FOXP1: variants seen among roughly 807,000 people sequenced by gnomAD.
FOXP1 encodes forkhead box protein P1.
A neutral mutation model predicts 98.2 loss-of-function variants in FOXP1; 15 were observed. The ratio of observed to expected loss-of-function variants is 0.15; its 90% confidence interval spans 0.10 to 0.24. FOXP1 has a LOEUF of 0.24. FOXP1 is among the 10% of genes least tolerant of loss of function. FOXP1 has a pLI of 1.00. For missense variants in FOXP1, 633 were observed against 848.5 expected, an observed-to-expected ratio of 0.75 and a Z score of 3.15; for synonymous variants, 371 against 314.5, an observed-to-expected ratio of 1.18 and a Z score of -1.90.
chr3:71,095,094 A>C (rs1042263685), intron 7 of FOXP1, among the ~76,000 whole-genome samples: 2 of 152,264 alleles, frequency 1.3e-5, no homozygotes, highest in Non-Finnish European at 2.9e-5. Context: ...TTAGAAATAG[A>C]GCTGCGTAGG....
chr3:71,308,871 C>G (rs543441181), intron 4 of FOXP1, among the ~76,000 whole-genome samples: 1 of 151,524 alleles, frequency 6.6e-6, no homozygotes, highest in South Asian at 2.1e-4. Flanking sequence ...AATATCACCC[C>G]TTACATGCAT....
rs115484044 is a variant in FOXP1 at position 71,389,589 on chromosome 3, G to C, written c.-167-30345C>G. 7.0e-3 allele frequency among the ~76,000 whole-genome samples: 1,061 copies of C among 152,264 alleles called. 15 individuals carry two copies. Among genetic ancestry groups the C allele is most frequent in the African/African-American group, 0.024 (1,001 of 41,558 alleles). ...TCAAAGAAAACACGAAGAGCTTTCA[G>C]AAACATCTCCTCTGAGAGATGCAAG... is the stretch of plus-strand genomic sequence containing the variant. On this transcript the variant is annotated intron_variant, in intron 3 of 20. Coordinates refer to ENST00000649528, the MANE Select transcript of FOXP1 (RefSeq NM_001349338.3).
chr3:71,412,519 G>A (rs1196976977), intron 3 of FOXP1, among the ~76,000 whole-genome samples: 6 of 152,094 alleles, frequency 3.9e-5, no homozygotes, highest in African/African-American at 1.4e-4. Context: ...AAAACATAAA[G>A]CCAAAGAAAA....
At chr3:71,538,197 C>T (rs2044463033) in intron 2 of FOXP1, among the ~76,000 whole-genome samples, 1 of 152,172 alleles carries the variant, frequency 6.6e-6, no homozygotes, top group Non-Finnish European at 1.5e-5. Context: ...CCATAAAATT[C>T]ACCCTTTTAA....
chr3:71,456,780 T>C (rs941274526), intron 3 of FOXP1, among the ~76,000 whole-genome samples: 4 of 150,910 alleles, frequency 2.7e-5, no homozygotes, highest in Non-Finnish European at 4.4e-5. Context: ...AAGCAACCCA[T>C]GGAATATCAG....
Position 71,232,877 on chromosome 3 carries a change from C to CAAAA in FOXP1, c.-11-34489_-11-34486dup, listed in dbSNP as rs59404230. 1.8e-3 allele frequency among the ~76,000 whole-genome samples: 56 copies of CAAAA among 31,410 alleles called. 2 individuals carry two copies. Among genetic ancestry groups the CAAAA allele is most frequent in the African/African-American group, 3.4e-3 (32 of 9,394 alleles). The allele number at this position is 31,410 out of a possible 152,430, so 20.6% of individuals were successfully genotyped here. ...CGTGCCACAGAGCAAAACTCTGTCT[C>CAAAA]AAAAAAAAAAAAAAAAAAAGCAAGA... On this transcript the variant is annotated intron_variant, in intron 5 of 20. Coordinates refer to ENST00000649528, the MANE Select transcript of FOXP1 (RefSeq NM_001349338.3).
At chr3:71,242,908 C>T (rs1271688318) in intron 5 of FOXP1, among the ~76,000 whole-genome samples, 2 of 152,134 alleles carry the variant, frequency 1.3e-5, no homozygotes, top group East Asian at 1.9e-4. Context: ...AAAGCTTAGG[C>T]TCTGAAGTAG....
At chr3:71,570,730 C>G (rs992954482) in intron 2 of FOXP1, 6 of 152,300 alleles carry the variant, frequency 3.9e-5, no homozygotes, top group Middle Eastern at 3.4e-3. Flanking sequence ...TGGCTTTGGA[C>G]ACACATAAAA....
At chr3:71,290,338 C>A (rs2072613132) in intron 5 of FOXP1, among the ~76,000 whole-genome samples, 1 of 152,206 alleles carries the variant, frequency 6.6e-6, no homozygotes, top group Admixed American at 6.5e-5. Context: ...TCTTAAGAGT[C>A]TTCTGTGATG....
intron 3 of FOXP1, among the ~76,000 whole-genome samples, chr3:71,455,826 C>A (rs1351548090): frequency 1.3e-5 from 2 of 152,182 alleles, no homozygotes; most frequent in Non-Finnish European, 2.9e-5. Context: ...GGGGTGACAG[C>A]CACATGCAAA....
At chr3:71,266,490 G>A (rs1250587940) in intron 5 of FOXP1, among the ~76,000 whole-genome samples, 2 of 152,164 alleles carry the variant, frequency 1.3e-5, no homozygotes, top group South Asian at 2.1e-4. Flanking sequence ...GACCTCAAGT[G>A]ATCTGCCCAC....
At chr3:71,565,370 G>A (rs775374188) in intron 2 of FOXP1, among the ~76,000 whole-genome samples, 1 of 152,110 alleles carries the variant, frequency 6.6e-6, no homozygotes, top group Non-Finnish European at 1.5e-5. Context: ...TTTTATTTTG[G>A]TTGTTACCAA....
intron 7 of FOXP1, among the ~76,000 whole-genome samples, chr3:71,078,789 A>T (rs1163565302): frequency 2.0e-5 from 3 of 152,008 alleles, no homozygotes; most frequent in Non-Finnish European, 2.9e-5. Flanking sequence ...ACGAGGAAAG[A>T]CCCACAGGAA....
At chr3:71,275,333 T>C (rs527360351) in intron 5 of FOXP1, among the ~76,000 whole-genome samples, 1 of 152,304 alleles carries the variant, frequency 6.6e-6, no homozygotes, top group Admixed American at 6.5e-5. Context: ...TTATTTGCTA[T>C]TGCCCCCACA....
At chr3:71,242,401 G>A (rs1436397470) in intron 5 of FOXP1, among the ~76,000 whole-genome samples, 1 of 152,084 alleles carries the variant, frequency 6.6e-6, no homozygotes, top group Non-Finnish European at 1.5e-5. Context: ...TAGCTACACA[G>A]CAGTTTGAAA....
Position 71,053,698 on chromosome 3 carries a change from C to G in FOXP1, c.358G>C (p.Val120Leu), listed in dbSNP as rs768273310. The G allele has an allele frequency of 1.9e-6, 3 of 1,614,078 alleles. No individual in the cohort carries two copies. Among genetic ancestry groups the G allele is most frequent in the Non-Finnish European group, 2.5e-6 (3 of 1,179,996 alleles). ...ACCTGGAGCTGCTGAGGGCTCAGCA[C>G]TTGTTGCTGGAGGATCTGCTGCATT... ...QQMQQILQQQ[V>L]LSPQQLQVLL... Residue 120 changes from valine (V) to leucine (L), a missense_variant, in exon 8 of 21, where the codon GTG (valine) becomes CTG (leucine). By Grantham distance (32) the Val-to-Leu change is conservative. This residue lies in a region of FOXP1 where 210 missense variants were observed against 270.6 expected (regional missense o/e 0.78). Transcript: ENST00000649528.
chr3:71,461,365 G>A (rs2088082622), intron 3 of FOXP1, among the ~76,000 whole-genome samples: 1 of 152,150 alleles, frequency 6.6e-6, no homozygotes, highest in African/African-American at 2.4e-5. Context: ...CCAGAAACGA[G>A]TGTTCAAGGA....
intron 3 of FOXP1, among the ~76,000 whole-genome samples, chr3:71,418,368 T>C (rs989880106): frequency 1.3e-5 from 2 of 152,208 alleles, no homozygotes; most frequent in African/African-American, 2.4e-5. Flanking sequence ...GAAAGGCCAT[T>C]TGCATATTCT....
chr3:71,120,919 T>G lies in FOXP1; in HGVS notation c.181-8282A>C, dbSNP rs140598831. On this transcript the variant is annotated intron_variant, in intron 6 of 20. Coordinates refer to ENST00000649528, the MANE Select transcript of FOXP1 (RefSeq NM_001349338.3). ...ATTCCTTGCTTTTCTTTTACTTTAA[T>G]GTTTAACAAATACCGCAAAGGTAGG... Among the ~76,000 whole-genome samples, 175 of 152,348 alleles carry G rather than the reference T, an allele frequency of 1.1e-3. 1 individual carries two copies. The highest frequency in any genetic ancestry group is 1.2e-3 in the South Asian group (6 of 4,824).
Sources: allele counts gnomAD v4.1 joint callset (sites outside exome capture counted in the v4.1 genomes callset), GRCh38; gene constraint gnomAD v4.1.1; regional missense constraint gnomAD v4.1.1; transcripts MANE v1.5; gene names NCBI Gene and HGNC (gene_info 2026-07-23, HGNC 2026-07-21).